The following CNTNAP2 variants were observed in gnomAD, a reference collection of about 807,000 sequenced individuals.
The protein encoded by CNTNAP2 is contactin associated protein 2.
CNTNAP2 carries 98 observed loss-of-function variants against 155.2 expected under a neutral mutation model. The ratio of observed to expected loss-of-function variants is 0.63; its 90% CI spans 0.54 to 0.75. CNTNAP2 has a LOEUF of 0.75. CNTNAP2 is among the 30% of genes least tolerant of loss of function. CNTNAP2 has a pLI of 0.00. For synonymous variants in CNTNAP2, 651 were observed against 631.2 expected (o/e 1.03, Z -0.47); for missense variants, 1,727 against 1,688.1 (o/e 1.02, Z -0.40).
chr7:146,538,092 T>C (rs781271003), intron 1 of CNTNAP2, among the ~76,000 whole-genome samples: 2 of 152,082 alleles, frequency 1.3e-5, no homozygotes, highest in Non-Finnish European at 2.9e-5. Context: ...AGAGTAATCA[T>C]ATGAGAGACC....
chr7:146,291,302 C>T (rs1800424891), intron 1 of CNTNAP2, among the ~76,000 whole-genome samples: 1 of 152,088 alleles, frequency 6.6e-6, no homozygotes, highest in Non-Finnish European at 1.5e-5. Flanking sequence ...CAGCTAGGTG[C>T]TTTTTTGCGT....
At chr7:147,998,156 G>A (rs1343079709) in intron 15 of CNTNAP2, among the ~76,000 whole-genome samples, 1 of 133,790 alleles carries the variant, frequency 7.5e-6, no homozygotes, top group African/African-American at 2.8e-5. Flanking sequence ...CTGCTGCCCA[G>A]GCTGGAGTGC....
chr7:146,544,874 T>C (rs1472618763), intron 1 of CNTNAP2, among the ~76,000 whole-genome samples: 1 of 151,986 alleles, frequency 6.6e-6, no homozygotes, highest in Admixed American at 6.6e-5. Flanking sequence ...CATCACAGGG[T>C]ACTCTTGTAG....
rs187279305 is a variant in CNTNAP2, at chr7:146,619,359, C to G, written c.98-154912C>G. The stretch of plus-strand genomic sequence containing the variant: ...ATCACTATCCATTTTCTGTAACATT[C>G]AGAGTAGTTGAAAACTTACTTTACT... On this transcript the variant is annotated intron_variant, in intron 1 of 23. Coordinates refer to ENST00000361727, the MANE Select transcript of CNTNAP2 (RefSeq NM_014141.6). Among the ~76,000 whole-genome samples the G allele has an allele frequency of 3.3e-5, 5 of 152,164 alleles. No homozygotes were observed. The East Asian group carries it at 9.7e-4, about 30-fold the overall frequency.
intron 11 of CNTNAP2, among the ~76,000 whole-genome samples, chr7:147,551,934 C>A (rs1442629959): frequency 6.6e-6 from 1 of 152,072 alleles, no homozygotes; most frequent in East Asian, 1.9e-4. Context: ...ATTATTATGG[C>A]CTTTTGAAAT....
chr7:147,761,884 C>G (rs1256630416), intron 13 of CNTNAP2, among the ~76,000 whole-genome samples: 1 of 151,798 alleles, frequency 6.6e-6, no homozygotes, highest in African/African-American at 2.4e-5. Flanking sequence ...AGTCAAGCAC[C>G]AAATAGAGTG....
At chr7:147,176,704 T>C (rs1179138580) in intron 8 of CNTNAP2, among the ~76,000 whole-genome samples, 3 of 131,060 alleles carry the variant, frequency 2.3e-5, no homozygotes, top group African/African-American at 8.4e-5. Context: ...TTATATATTA[T>C]ATATAATAGA....
Position 147,045,855 on chromosome 7 carries a change from TAC to T in CNTNAP2, c.550+1813_550+1814del, listed in dbSNP as rs896659126. ...AGGTATATATACACACACATATACA[TAC>T]ACACACACACATATACGTGCATATA... On this transcript the variant is annotated intron_variant, in intron 4 of 23. Coordinates refer to ENST00000361727, the MANE Select transcript of CNTNAP2 (RefSeq NM_014141.6). Among the ~76,000 whole-genome samples the T allele has an allele frequency of 4.0e-5, 6 of 151,604 alleles. No individual in the cohort carries two copies. In the East Asian group the frequency reaches 9.7e-4, roughly 24 times the overall value.
intron 2 of CNTNAP2, among the ~76,000 whole-genome samples, chr7:146,780,249 G>A (rs539424831): frequency 6.6e-5 from 10 of 151,894 alleles, no homozygotes; most frequent in Non-Finnish European, 1.2e-4. Context: ...GCAGTGGTGC[G>A]ATCTCGGCTC....
intron 3 of CNTNAP2, among the ~76,000 whole-genome samples, chr7:146,947,447 CAT>C (rs542212069): frequency 0.043 from 5,930 of 139,496 alleles, 146 homozygotes; most frequent in South Asian, 0.074. Context: ...CACACACACA[CAT>C]ATATCTTTCT....
intron 13 of CNTNAP2, among the ~76,000 whole-genome samples, chr7:147,690,156 T>C (rs1316432569): frequency 1.3e-5 from 2 of 152,122 alleles, no homozygotes; most frequent in Non-Finnish European, 2.9e-5. Flanking sequence ...CCCACACTTT[T>C]CTCTGTGTTG....
intron 13 of CNTNAP2, among the ~76,000 whole-genome samples, chr7:147,721,914 T>C (rs758435434): frequency 2.0e-5 from 3 of 152,150 alleles, no homozygotes; most frequent in Non-Finnish European, 2.9e-5. Context: ...GGCAATTGTT[T>C]ACCAGCGTTT....
intron 3 of CNTNAP2, among the ~76,000 whole-genome samples, chr7:146,884,191 G>T (rs1382275977): frequency 6.6e-6 from 1 of 152,074 alleles, no homozygotes; most frequent in East Asian, 1.9e-4. Context: ...ATGAAAAGTT[G>T]GTGCTCCTGA....
At chr7:147,569,670 A>G (rs888453989) in intron 12 of CNTNAP2, among the ~76,000 whole-genome samples, 11 of 152,200 alleles carry the variant, frequency 7.2e-5, no homozygotes, top group Admixed American at 7.2e-4. Context: ...AGTACACTCT[A>G]TGAGGTTTAC....
intron 1 of CNTNAP2, among the ~76,000 whole-genome samples, chr7:146,133,978 G>A (rs1307387315): frequency 6.7e-6 from 1 of 150,262 alleles, no homozygotes; most frequent in Non-Finnish European, 1.5e-5. Flanking sequence ...GATGGGGATG[G>A]CATTGAATCT....
At chr7:146,301,929 T>A (rs899704276) in intron 1 of CNTNAP2, among the ~76,000 whole-genome samples, 12 of 152,258 alleles carry the variant, frequency 7.9e-5, no homozygotes, top group African/African-American at 2.9e-4. Context: ...TCCACCTCCC[T>A]CCTCATTTCC....
chr7:146,520,378 C>T (rs961563658), intron 1 of CNTNAP2, among the ~76,000 whole-genome samples: 3 of 147,632 alleles, frequency 2.0e-5, no homozygotes, highest in African/African-American at 7.5e-5. Flanking sequence ...TTAAGATATA[C>T]ACCTCTGAAG....
chr7:147,825,592 G>T (rs1269106245), intron 13 of CNTNAP2, among the ~76,000 whole-genome samples: 2 of 152,134 alleles, frequency 1.3e-5, no homozygotes, highest in Non-Finnish European at 2.9e-5. Flanking sequence ...AACATCTAAA[G>T]AGACATAACA....
At chr7:146,335,963 G>GC (rs1208103202) in intron 1 of CNTNAP2, among the ~76,000 whole-genome samples, 7 of 152,086 alleles carry the variant, frequency 4.6e-5, no homozygotes, top group African/African-American at 1.7e-4. Flanking sequence ...ACTTTGGGAG[G>GC]CTGAGGTGGG....
Sources: gnomAD v4.1 joint callset for allele counts (sites outside exome capture counted in the v4.1 genomes callset) on GRCh38, gnomAD v4.1.1 for gene constraint, MANE v1.5 for transcripts, NCBI Gene and HGNC (gene_info 2026-07-23, HGNC 2026-07-21) for gene names.